NEDD4: variants seen among roughly 807,000 people sequenced by gnomAD.
NEDD4 encodes E3 ubiquitin-protein ligase NEDD4.
NEDD4 carries 99 observed loss-of-function variants against 144.9 expected under a neutral mutation model. The ratio of observed to expected loss-of-function variants is 0.68; its 90% confidence interval spans 0.58 to 0.81. NEDD4 has a LOEUF of 0.81. NEDD4 is among the 30% of genes least tolerant of loss of function. The probability of loss-of-function intolerance (pLI) is 0.00; values close to 1 mark genes in which losing one functional copy is unlikely to be tolerated. For missense variants in NEDD4, 985 were observed against 1,065.9 expected, an observed-to-expected ratio of 0.92 and a Z score of 1.06; for synonymous variants, 318 against 350.6, an observed-to-expected ratio of 0.91 and a Z score of 1.04.
At chr15:55,892,548 A>G (rs917159783) in intron 5 of NEDD4, among the ~76,000 whole-genome samples, 1 of 152,152 alleles carries the variant, frequency 6.6e-6, no homozygotes, top group Middle Eastern at 3.4e-3. Flanking sequence ...AGATTTAGCT[A>G]TCAGCACTTT....
At chr15:55,862,745 G>A (rs1218445881) in intron 9 of NEDD4, among the ~76,000 whole-genome samples, 168 bp downstream of exon 9, 1 of 152,100 alleles carries the variant, frequency 6.6e-6, no homozygotes, top group Non-Finnish European at 1.5e-5. Context: ...TTTAAAAAAC[G>A]AAACAGCAGA....
intron 1 of NEDD4, among the ~76,000 whole-genome samples, chr15:55,984,530 T>C (rs971977126): frequency 2.0e-5 from 3 of 152,240 alleles, no homozygotes; most frequent in Non-Finnish European, 2.9e-5. Context: ...AGGAGAATAC[T>C]TTCACTAAAG....
intron 5 of NEDD4, among the ~76,000 whole-genome samples, chr15:55,906,310 CT>C (rs2036092039): frequency 6.6e-6 from 1 of 152,142 alleles, no homozygotes; most frequent in South Asian, 2.1e-4. Context: ...ATAAATCATG[CT>C]GCTATAAAGA....
chr15:55,924,427 T>G (rs1595849145), intron 5 of NEDD4: 1 of 519,582 alleles, frequency 1.9e-6, no homozygotes, highest in Admixed American at 3.1e-5. Flanking sequence ...CCTTATAATA[T>G]GTTGGCAATC....
At chr15:55,865,427 A>AAT (rs2034552853) in intron 8 of NEDD4, among the ~76,000 whole-genome samples, 1 of 152,102 alleles carries the variant, frequency 6.6e-6, no homozygotes, top group Admixed American at 6.5e-5. Context: ...AAATTTTAGA[A>AAT]ATATATTTTA....
chr15:55,869,778 G>T (rs1484915720), intron 7 of NEDD4, 97 bp from the exon 8 acceptor site: 6 of 747,286 alleles, frequency 8.0e-6, no homozygotes, highest in Middle Eastern at 2.5e-4. Flanking sequence ...GTACCAGGGG[G>T]TCTACAAAGG....
chr15:55,875,531 T>G (rs2034964268), intron 5 of NEDD4, among the ~76,000 whole-genome samples: 1 of 152,132 alleles, frequency 6.6e-6, no homozygotes, highest in East Asian at 1.9e-4. Context: ...TTGACCAGTC[T>G]GGTCTCAAAC....
chr15:55,917,466 T>C (rs1031002071), intron 5 of NEDD4, among the ~76,000 whole-genome samples: 4 of 82,124 alleles, frequency 4.9e-5, no homozygotes, highest in Non-Finnish European at 8.8e-5. Flanking sequence ...GACTGTTAAT[T>C]TTTTTTTTTT....
At chr15:55,986,900 C>T (rs1026944657) in intron 1 of NEDD4, among the ~76,000 whole-genome samples, 3 of 152,116 alleles carry the variant, frequency 2.0e-5, no homozygotes, top group Non-Finnish European at 2.9e-5. Flanking sequence ...CGGCCAAGGC[C>T]TGTCCTTCTT....
intron 5 of NEDD4, among the ~76,000 whole-genome samples, chr15:55,898,796 G>A (rs1371440429): frequency 6.6e-6 from 1 of 151,698 alleles, no homozygotes; most frequent in Non-Finnish European, 1.5e-5. Context: ...ACCACACCTG[G>A]CTAATTAAAA....
intron 6 of NEDD4, 31 bp downstream of exon 6, chr15:55,873,927 C>A: frequency 7.3e-7 from 1 of 1,361,578 alleles, no homozygotes; most frequent in Non-Finnish European, 9.9e-7. Flanking sequence ...AAAATAAGCC[C>A]AAAAGGAAAA....
intron 5 of NEDD4, among the ~76,000 whole-genome samples, chr15:55,887,572 C>A (rs2035434252): frequency 6.6e-6 from 1 of 152,124 alleles, no homozygotes; most frequent in South Asian, 2.1e-4. Context: ...AGAACTAATA[C>A]CAATCCTACT....
chr15:55,934,106 T>C (rs1484328608), intron 4 of NEDD4, among the ~76,000 whole-genome samples: 1 of 152,124 alleles, frequency 6.6e-6, no homozygotes, highest in Non-Finnish European at 1.5e-5. Context: ...TGAGCCGAAA[T>C]TGCGCCACTG....
chr15:55,848,805 C>A lies in NEDD4; in HGVS notation c.1428+1G>T. The A allele has an allele frequency of 6.2e-7, 1 of 1,612,648 alleles. No individual in the cohort carries two copies. Among genetic ancestry groups the A allele is most frequent in the South Asian group, 1.1e-5 (1 of 90,946 alleles). ...ATGGGTTAGCATTTCTATACACTTA[C>A]AGGTAAAGGCCCTAGATCATTGGAA... On this transcript the variant is annotated splice_donor_variant, in intron 15 of 28. Transcript: ENST00000435532. LOFTEE classifies it high-confidence loss of function.
chr15:55,838,889 C>A (rs1040725221), intron 21 of NEDD4, among the ~76,000 whole-genome samples: 1 of 152,154 alleles, frequency 6.6e-6, no homozygotes, highest in African/African-American at 2.4e-5. Flanking sequence ...AGTGGAGGTA[C>A]AGATTTTATC....
At chr15:55,914,135 ATTTCAGAAG>A (rs1222234383) in intron 5 of NEDD4, among the ~76,000 whole-genome samples, 3 of 151,744 alleles carry the variant, frequency 2.0e-5, no homozygotes, top group African/African-American at 7.2e-5. Context: ...TATTTACCAG[ATTTCAGAAG>A]AGAGAAAATA....
At chr15:55,832,608 G>T (rs1177417391) in intron 27 of NEDD4, among the ~76,000 whole-genome samples, 1 of 152,096 alleles carries the variant, frequency 6.6e-6, no homozygotes, top group Admixed American at 6.5e-5. Context: ...TAGAGACGGG[G>T]TTTCACTGTG....
At chr15:55,916,060 T>G in intron 5 of NEDD4, 1 of 1,613,984 alleles carries the variant, frequency 6.2e-7, no homozygotes, top group Non-Finnish European at 8.5e-7. Context: ...TTTAGTGGAA[T>G]TTTTGTGTTC....
intron 9 of NEDD4, among the ~76,000 whole-genome samples, chr15:55,861,700 A>C (rs1407529161): frequency 6.6e-6 from 1 of 152,170 alleles, no homozygotes; most frequent in African/African-American, 2.4e-5. Context: ...AATTAAAAAA[A>C]ATCAGATTGA....
Sources: gnomAD v4.1 joint callset for allele counts (sites outside exome capture counted in the v4.1 genomes callset) on GRCh38, gnomAD v4.1.1 for gene constraint, MANE v1.5 for transcripts, NCBI Gene and HGNC (gene_info 2026-07-23, HGNC 2026-07-21) for gene names.